UBIAD1: variants seen among roughly 807,000 people sequenced by gnomAD.
UBIAD1 encodes ubiA prenyltransferase domain-containing protein 1.
UBIAD1 carries 12 observed loss-of-function variants against 20.1 expected under a neutral mutation model. The ratio of observed to expected loss-of-function variants is 0.60; its 90% CI spans 0.38 to 0.97. UBIAD1 has a LOEUF of 0.97. Among genes scored for constraint, UBIAD1 ranks in the 50% least tolerant of loss-of-function variants. The pLI is 0.00. For missense variants in UBIAD1, 333 were observed against 419.5 expected (o/e 0.79, Z 1.80); for synonymous variants, 207 against 189.2 (o/e 1.09, Z -0.77).
chr1:11,292,773 A>G (rs937437217), downstream of UBIAD1, among the ~76,000 whole-genome samples: 1 of 151,514 alleles, frequency 6.6e-6, no homozygotes, highest in Non-Finnish European at 1.5e-5. Flanking sequence ...CTCCTCTCTG[A>G]GCCCTGCGGA....
chr1:11,278,730 C>G, intron 1 of UBIAD1: 2 of 833,622 alleles, frequency 2.4e-6, no homozygotes, highest in Non-Finnish European at 1.8e-6. Context: ...TGTCATTTTG[C>G]TAACACTGGT....
chr1:11,278,765 C>T (rs985031054), intron 1 of UBIAD1: 14 of 559,138 alleles, frequency 2.5e-5, no homozygotes, highest in African/African-American at 2.0e-4. Flanking sequence ...CACCATCCCA[C>T]TGGAGTTATT....
downstream of UBIAD1, among the ~76,000 whole-genome samples, chr1:11,296,250 C>T (rs1005745165): frequency 2.6e-5 from 4 of 152,166 alleles, no homozygotes; most frequent in African/African-American, 9.7e-5. Flanking sequence ...CACCTTATAT[C>T]ACTCCTGGAG....
At chr1:11,278,679 G>A (rs966163133) in intron 1 of UBIAD1, 14 of 1,400,754 alleles carry the variant, frequency 1.0e-5, no homozygotes, top group African/African-American at 8.9e-5. Context: ...ATCATTAGAC[G>A]TCTTAGCTCC....
chr1:11,290,085 C>T (rs1048967144), downstream of UBIAD1, among the ~76,000 whole-genome samples: 1 of 152,110 alleles, frequency 6.6e-6, no homozygotes, highest in Admixed American at 6.6e-5. Context: ...AGGCTGGTCT[C>T]GAAATCCTGA....
chr1:11,285,973 C>G lies in UBIAD1; in HGVS notation c.859C>G (p.Leu287Val), dbSNP rs755584239. 1.2e-6 allele frequency: 2 copies of G among 1,614,264 alleles called. No individual in the cohort carries two copies. The highest frequency in any genetic ancestry group is 1.7e-6 in the Non-Finnish European group (2 of 1,180,048). Reference sequence around the variant, plus strand: ...CTGCACCATCAGCCTGGCACTCCCCCTGCTTACCATTCCCATGGCCTTCTC... The same window carrying G: ...CTGCACCATCAGCCTGGCACTCCCCGTGCTTACCATTCCCATGGCCTTCTC... ...THCTISLALP[L>V]LTIPMAFSLE... The change falls in exon 2 of 2, where the codon CTG becomes GTG. Residue 287 changes from leucine (L) to valine (V), a missense_variant. Leu to Val is a conservative substitution (Grantham distance 32). Coordinates refer to ENST00000376810, the MANE Select transcript of UBIAD1 (RefSeq NM_013319.3). This position sits in a 1 kb window ranked among gnomAD's most constrained non-coding sequence, Gnocchi z 4.4.
intron 1 of UBIAD1, among the ~76,000 whole-genome samples, chr1:11,275,974 GCA>G (rs778733900): frequency 3.3e-5 from 5 of 152,056 alleles, no homozygotes; most frequent in Non-Finnish European, 7.4e-5. Flanking sequence ...GGGTAAGGAG[GCA>G]CACACACGGA....
rs568858397 is a variant in UBIAD1, at chr1:11,283,806, C to T, written c.530-1838C>T. Among the ~76,000 whole-genome samples, 5 of 152,236 alleles carry T rather than the reference C, an allele frequency of 3.3e-5. No individual in the cohort carries two copies. The South Asian group carries it at 1.0e-3, about 32-fold the overall frequency. On this transcript the variant is annotated intron_variant, in intron 1 of 1. Transcript: ENST00000376810. The stretch of plus-strand genomic sequence containing the variant: ...GACTGGTTAAAATGCCTAACCAGAG[C>T]TTTATTTTCTGATCTTGAGTCCACA...
At chr1:11,280,958 C>T (rs1299131211) in intron 1 of UBIAD1, among the ~76,000 whole-genome samples, 2 of 152,076 alleles carry the variant, frequency 1.3e-5, no homozygotes, top group Non-Finnish European at 2.9e-5. Flanking sequence ...ACAGTGACTC[C>T]CTAGGGCCCT....
intron 1 of UBIAD1, among the ~76,000 whole-genome samples, chr1:11,277,119 C>T (rs1297176583): frequency 1.3e-5 from 2 of 151,954 alleles, no homozygotes; most frequent in African/African-American, 4.8e-5. Context: ...TGCCTGTAGT[C>T]CCAGCTACTT....
intron 1 of UBIAD1, among the ~76,000 whole-genome samples, chr1:11,283,441 C>T (rs928105630): frequency 2.0e-5 from 3 of 152,114 alleles, no homozygotes; most frequent in South Asian, 2.1e-4. Flanking sequence ...AACTGGAGCT[C>T]GTGCTCTGCT....
downstream of UBIAD1, among the ~76,000 whole-genome samples, chr1:11,299,500 G>T (rs899369751): frequency 2.0e-5 from 3 of 152,212 alleles, no homozygotes; most frequent in Non-Finnish European, 4.4e-5. Flanking sequence ...TCTTTTGAAG[G>T]GGGGAGCAAA....
At chr1:11,290,107 C>A (rs1638342695), downstream of UBIAD1, among the ~76,000 whole-genome samples, 1 of 152,138 alleles carries the variant, frequency 6.6e-6, no homozygotes, top group African/African-American at 2.4e-5. Flanking sequence ...CTCAGGCTAT[C>A]TACCCATCTG....
intron 1 of UBIAD1, among the ~76,000 whole-genome samples, chr1:11,283,828 C>A (rs1652322332): frequency 6.6e-6 from 1 of 152,102 alleles, no homozygotes; most frequent in Admixed American, 6.6e-5. Context: ...ATCTTGAGTC[C>A]ACATCTTGTA....
downstream of UBIAD1, among the ~76,000 whole-genome samples, chr1:11,297,305 G>A (rs566079514): frequency 6.6e-6 from 1 of 152,268 alleles, no homozygotes; most frequent in African/African-American, 2.4e-5. Flanking sequence ...GAGCTGCCTT[G>A]CTCCTTCCTC....
Position 11,294,843 on chromosome 1 carries a change from G to A in UBIAD1, c.530-30G>A. The stretch of plus-strand genomic sequence containing the variant: ...AATTTATGCTCCTGTCCCCTCATCT[G>A]TCTGTCCTCATTCGTCTCGTCTCTT... On this transcript the variant is annotated intron_variant, in intron 1 of 1. Transcript: ENST00000376804. 2 of 717,530 alleles carry A rather than the reference G, an allele frequency of 2.8e-6. 1 individual carries two copies. Among genetic ancestry groups the A allele is most frequent in the South Asian group, 3.0e-5 (2 of 67,610 alleles). The allele number at this position is 717,530 out of a possible 1,614,324, so 44.4% of individuals were successfully genotyped here.
rs114416030 is a variant in UBIAD1, at chr1:11,279,159, C to T, written c.529+5099C>T. The stretch of plus-strand genomic sequence containing the variant: ...GATTATAGGTGTGAACTGCCATGCC[C>T]GGCCTATATTCTCTTTTCATAATTT... On this transcript the variant is annotated intron_variant, in intron 1 of 1. Transcript: ENST00000376810. The T allele has an allele frequency of 5.1e-3, 1,148 of 224,254 alleles. 6 individuals carry two copies. Among genetic ancestry groups the T allele is most frequent in the Middle Eastern group, 0.013 (5 of 382 alleles). 13.9% of individuals were successfully genotyped at this position (224,254 alleles called of 1,614,324 possible). A position where few individuals can be genotyped will look rare whatever the true frequency, so the allele number is the denominator to read the frequency against.
downstream of UBIAD1, among the ~76,000 whole-genome samples, chr1:11,290,388 G>A (rs1638349224): frequency 6.6e-6 from 1 of 152,194 alleles, no homozygotes; most frequent in South Asian, 2.1e-4. Flanking sequence ...CTTGGACACT[G>A]CTCCTCTAGA....
chr1:11,274,234 C>T (rs1651908940), intron 1 of UBIAD1, among the ~76,000 whole-genome samples, 174 bp downstream of exon 1: 1 of 152,214 alleles, frequency 6.6e-6, no homozygotes, highest in Non-Finnish European at 1.5e-5. Context: ...TGAGAAGATC[C>T]TGGTTTGACT....
Sources: allele counts gnomAD v4.1 joint callset (sites outside exome capture counted in the v4.1 genomes callset), GRCh38; gene constraint gnomAD v4.1.1; non-coding constraint Gnocchi (gnomAD v3.1); transcripts MANE v1.5; gene names NCBI Gene and HGNC (gene_info 2026-07-23, HGNC 2026-07-21).